The following GSDMC variants were observed in gnomAD, a reference collection of about 807,000 sequenced individuals.
GSDMC encodes the protein gasdermin-C.
A neutral mutation model predicts 58.0 loss-of-function variants in GSDMC; 59 were observed. The ratio of observed to expected loss-of-function variants is 1.02; its 90% CI spans 0.82 to 1.26. The LOEUF (loss-of-function observed/expected upper bound fraction) is 1.26. Ranked by LOEUF, GSDMC falls within the 50% of genes most tolerant of loss-of-function variation. The pLI, the probability that GSDMC is intolerant of heterozygous loss-of-function variation, is 0.00. For missense variants in GSDMC, 659 were observed against 598.5 expected (o/e 1.10, Z -1.06); for synonymous variants, 241 against 220.2 (o/e 1.09, Z -0.83).
intron 3 of GSDMC, among the ~76,000 whole-genome samples, chr8:129,772,655 C>T (rs895330844): frequency 6.6e-6 from 1 of 152,114 alleles, no homozygotes. Flanking sequence ...AAAACATGCC[C>T]ATGACCAAAT....
intron 1 of GSDMC, among the ~76,000 whole-genome samples, chr8:129,781,187 T>A (rs921652581): frequency 6.6e-6 from 1 of 151,972 alleles, no homozygotes; most frequent in African/African-American, 2.4e-5. Context: ...TTATTAGTAA[T>A]AACATTAAAT....
At chr8:129,707,426 A>G in the GSDMC span, among the ~76,000 whole-genome samples, 1 of 152,166 alleles carries the variant, frequency 6.6e-6, no homozygotes, top group African/African-American at 2.4e-5. Context: ...AGGCATGGTG[A>G]GGGTTTTGTA....
intron 3 of GSDMC, among the ~76,000 whole-genome samples, chr8:129,766,897 G>A (rs936045162): frequency 6.6e-6 from 1 of 152,146 alleles, no homozygotes; most frequent in African/African-American, 2.4e-5. Flanking sequence ...TGAGGGCATC[G>A]GCAGGACTAG....
intron 3 of GSDMC, among the ~76,000 whole-genome samples, chr8:129,766,897 G>T (rs936045162): frequency 7.9e-5 from 12 of 152,146 alleles, no homozygotes; most frequent in African/African-American, 4.8e-5. Flanking sequence ...TGAGGGCATC[G>T]GCAGGACTAG....
At chr8:129,765,879 C>G in intron 3 of GSDMC, 86 bp from the exon 4 acceptor site, 1 of 1,097,190 alleles carries the variant, frequency 9.1e-7, no homozygotes. Flanking sequence ...TCCCCAAGAC[C>G]TGGGAGGGGT....
At chr8:129,768,958 G>C (rs2033959068) in intron 3 of GSDMC, among the ~76,000 whole-genome samples, 1 of 152,146 alleles carries the variant, frequency 6.6e-6, no homozygotes, top group Non-Finnish European at 1.5e-5. Context: ...CACACCTGTA[G>C]TCCTAGCTAC....
intron 6 of GSDMC, among the ~76,000 whole-genome samples, chr8:129,755,203 G>C (rs145440685): frequency 0.014 from 2,148 of 152,172 alleles, 47 homozygotes; most frequent in African/African-American, 0.05. Context: ...ATAAAGAAAG[G>C]ATCTTAAAGC....
At chr8:129,761,565 A>G (rs2033662032) in intron 5 of GSDMC, among the ~76,000 whole-genome samples, 1 of 151,940 alleles carries the variant, frequency 6.6e-6, no homozygotes, top group African/African-American at 2.4e-5. Flanking sequence ...TGACCACATC[A>G]TTTTCTGTTT....
At chr8:129,722,632 T>C in the GSDMC span, among the ~76,000 whole-genome samples, 2 of 152,202 alleles carry the variant, frequency 1.3e-5, no homozygotes, top group African/African-American at 2.4e-5. Context: ...TGTGTCTATT[T>C]TATTGATGTC....
the GSDMC span, among the ~76,000 whole-genome samples, chr8:129,713,304 G>A: frequency 1.3e-5 from 2 of 152,214 alleles, no homozygotes; most frequent in South Asian, 4.1e-4. Context: ...CAAAGGTGAT[G>A]TGACTGGCCG....
the GSDMC span, among the ~76,000 whole-genome samples, chr8:129,739,789 ATTG>A: frequency 8.5e-5 from 13 of 152,166 alleles, no homozygotes; most frequent in Admixed American, 8.5e-4. Flanking sequence ...TTTACTATAG[ATTG>A]TTATTTTAGA....
At chr8:129,760,464 T>G in intron 6 of GSDMC, 81 bp downstream of exon 6, 1 of 764,964 alleles carries the variant, frequency 1.3e-6, no homozygotes, top group Non-Finnish European at 2.2e-6. Flanking sequence ...TATCAAAACA[T>G]CTCATGTACC....
chr8:129,781,691 G>A (rs985244443), intron 1 of GSDMC, among the ~76,000 whole-genome samples: 1 of 150,782 alleles, frequency 6.6e-6, no homozygotes, highest in Non-Finnish European at 1.5e-5. Context: ...CTTGCAGTGG[G>A]CCGAGCGGAG....
chr8:129,742,218 A>T, the GSDMC span, among the ~76,000 whole-genome samples: 1 of 152,006 alleles, frequency 6.6e-6, no homozygotes, highest in Admixed American at 6.6e-5. Context: ...AGTTTTTGAG[A>T]TCTATTGTAC....
chr8:129,760,109 G>A (rs1158342180), intron 6 of GSDMC, among the ~76,000 whole-genome samples: 1 of 152,066 alleles, frequency 6.6e-6, no homozygotes, highest in Non-Finnish European at 1.5e-5. Flanking sequence ...AATAAGTCAG[G>A]AATAGAAACA....
the GSDMC span, among the ~76,000 whole-genome samples, chr8:129,727,071 G>A: frequency 6.6e-6 from 1 of 151,150 alleles, no homozygotes; most frequent in Non-Finnish European, 1.5e-5. Context: ...AGTCAACAAA[G>A]TTTACTTGGA....
At chr8:129,781,372 G>A (rs2034402186) in intron 1 of GSDMC, among the ~76,000 whole-genome samples, 1 of 152,110 alleles carries the variant, frequency 6.6e-6, no homozygotes. Context: ...AAAAGAGCAG[G>A]AATAGCTATA....
the GSDMC span, among the ~76,000 whole-genome samples, chr8:129,728,542 C>G: frequency 6.6e-6 from 1 of 152,246 alleles, no homozygotes; most frequent in African/African-American, 2.4e-5. Context: ...ATGGGACCTG[C>G]AGGTGTACCC....
intron 1 of GSDMC, among the ~76,000 whole-genome samples, chr8:129,784,058 G>A (rs923570796): frequency 6.6e-6 from 1 of 152,116 alleles, no homozygotes; most frequent in African/African-American, 2.4e-5. Flanking sequence ...ACTGAAACTA[G>A]ACCACTCTCT....
Sources: gnomAD v4.1 joint callset for allele counts (sites outside exome capture counted in the v4.1 genomes callset) on GRCh38, gnomAD v4.1.1 for gene constraint, MANE v1.5 for transcripts, NCBI Gene and HGNC (gene_info 2026-07-23, HGNC 2026-07-21) for gene names.